BTC: variants seen among roughly 807,000 people sequenced by gnomAD.
BTC encodes the protein probetacellulin.
BTC carries 13 observed loss-of-function variants against 18.1 expected under a neutral mutation model. That is an observed-to-expected ratio of 0.72 (90% CI 0.47 to 1.14). The LOEUF (loss-of-function observed/expected upper bound fraction) is 1.14. Ranked by LOEUF, BTC falls within the 50% of genes most tolerant of loss-of-function variation. The pLI, the probability that BTC is intolerant of heterozygous loss-of-function variation, is 0.00. For missense variants in BTC, 247 were observed against 224.2 expected, an observed-to-expected ratio of 1.10 and a Z score of -0.65; for synonymous variants, 83 against 79.4, an observed-to-expected ratio of 1.05 and a Z score of -0.24.
intron 5 of BTC, 21 bp downstream of exon 5, chr4:74,748,019 C>A (rs782635891): frequency 1.4e-6 from 2 of 1,415,898 alleles, no homozygotes; most frequent in African/African-American, 1.4e-5. Flanking sequence ...AGTTTTCTAT[C>A]AGCAAGTTTA....
intron 1 of BTC, among the ~76,000 whole-genome samples, chr4:74,777,431 A>T (rs1230948262): frequency 6.6e-6 from 1 of 152,226 alleles, no homozygotes; most frequent in African/African-American, 2.4e-5. Flanking sequence ...TCAGCCTCAT[A>T]AGTGGATACT....
chr4:74,780,520 A>C (rs753822165), intron 1 of BTC, among the ~76,000 whole-genome samples: 2 of 152,212 alleles, frequency 1.3e-5, no homozygotes, highest in Non-Finnish European at 2.9e-5. Flanking sequence ...TTTTCCTCAC[A>C]GAAGTCTTCT....
At chr4:74,770,001 C>T in intron 2 of BTC, 57 bp downstream of exon 2, 1 of 1,391,404 alleles carries the variant, frequency 7.2e-7, no homozygotes, top group Non-Finnish European at 1.0e-6. Context: ...ATTATGAGTA[C>T]TATTATTATC....
intron 1 of BTC, among the ~76,000 whole-genome samples, chr4:74,792,468 T>C (rs1466327426): frequency 6.6e-6 from 1 of 152,214 alleles, no homozygotes; most frequent in African/African-American, 2.4e-5. Context: ...TCAGGTCCTC[T>C]GGCCCACAGG....
chr4:74,748,408 C>T (rs1322334296), intron 4 of BTC, among the ~76,000 whole-genome samples: 2 of 151,948 alleles, frequency 1.3e-5, no homozygotes, highest in East Asian at 1.9e-4. Flanking sequence ...TGGTGGTGGG[C>T]GCCTGTAGTC....
At chr4:74,764,421 C>T (rs1724843994) in intron 2 of BTC, among the ~76,000 whole-genome samples, 2 of 152,024 alleles carry the variant, frequency 1.3e-5, no homozygotes, top group East Asian at 1.9e-4. Flanking sequence ...AATTTTGGTG[C>T]TGGAAGCAGA....
rs1193034958 is a variant in BTC at position 74,794,429 on chromosome 4, C to T, written c.-104G>A. ...TGAGAGGGTGCCTGGAAACTAATCCCGGAGGCAGAAGGAAACGAAACTACT... is the reference window on the plus strand; with the variant it reads ...TGAGAGGGTGCCTGGAAACTAATCCTGGAGGCAGAAGGAAACGAAACTACT... On this transcript the variant is annotated 5_prime_UTR_variant, in exon 1 of 6. Transcript: ENST00000395743. 7.9e-7 allele frequency: 1 copy of T among 1,266,328 alleles called. No individual in the cohort carries two copies. Among genetic ancestry groups the T allele is most frequent in the Non-Finnish European group, 1.1e-6 (1 of 950,222 alleles). The allele number at this position is 1,266,328 out of a possible 1,614,324, so 78.4% of individuals were successfully genotyped here.
chr4:74,779,879 T>C (rs1274283117), intron 1 of BTC, among the ~76,000 whole-genome samples: 2 of 152,104 alleles, frequency 1.3e-5, no homozygotes, highest in African/African-American at 2.4e-5. Context: ...ACTAGGAATA[T>C]AAATAAAGAA....
intron 2 of BTC, among the ~76,000 whole-genome samples, chr4:74,766,722 T>C (rs1418488952): frequency 6.6e-6 from 1 of 152,008 alleles, no homozygotes; most frequent in Non-Finnish European, 1.5e-5. Flanking sequence ...TTTCAAAAAA[T>C]TGAAGAGGAA....
intron 5 of BTC, among the ~76,000 whole-genome samples, chr4:74,747,084 C>T (rs556662620): frequency 3.3e-4 from 50 of 152,326 alleles, no homozygotes; most frequent in African/African-American, 1.1e-3. Flanking sequence ...CCCACCTTAC[C>T]TCTGGACTGC....
intron 1 of BTC, among the ~76,000 whole-genome samples, chr4:74,787,430 T>C (rs900570670): frequency 3.3e-5 from 5 of 152,248 alleles, no homozygotes; most frequent in African/African-American, 7.2e-5. Flanking sequence ...AGGTCTTTCA[T>C]TGTTTCTTTA....
chr4:74,791,693 T>C lies in BTC; in HGVS notation c.64+2569A>G, dbSNP rs537386176. Among the ~76,000 whole-genome samples the C allele has an allele frequency of 2.0e-5, 3 of 152,344 alleles. No homozygotes were observed. In the South Asian group the frequency reaches 6.2e-4, roughly 32 times the overall value. On this transcript the variant is annotated intron_variant, in intron 1 of 5. Transcript: ENST00000395743. ...TAGAATGGAAATTATCCTGTAAAGA[T>C]GCATCTACTAAATGCCAGATGTATT... is the stretch of plus-strand genomic sequence containing the variant.
intron 2 of BTC, among the ~76,000 whole-genome samples, chr4:74,760,734 A>AT (rs72231277): frequency 0.023 from 3,149 of 135,846 alleles, 58 homozygotes; most frequent in Middle Eastern, 0.061. Context: ...TTAGCATGTC[A>AT]TTTTTTTTTT....
At chr4:74,748,549 T>C (rs1308358906) in intron 4 of BTC, among the ~76,000 whole-genome samples, 1 of 151,840 alleles carries the variant, frequency 6.6e-6, no homozygotes, top group African/African-American at 2.4e-5. Context: ...AAAAAAAAAT[T>C]AGGGTTCTCT....
At chr4:74,787,229 T>C (rs1725503513) in intron 1 of BTC, among the ~76,000 whole-genome samples, 1 of 152,188 alleles carries the variant, frequency 6.6e-6, no homozygotes, top group African/African-American at 2.4e-5. Flanking sequence ...AGGCTGAATA[T>C]GAATACTGTT....
chr4:74,790,204 G>A (rs1725584974), intron 1 of BTC, among the ~76,000 whole-genome samples: 8 of 152,146 alleles, frequency 5.3e-5, no homozygotes, highest in Admixed American at 4.6e-4. Flanking sequence ...GAATCAAAAT[G>A]TCAAAAAATT....
At chr4:74,783,350 A>G (rs1170666659) in intron 1 of BTC, among the ~76,000 whole-genome samples, 1 of 152,174 alleles carries the variant, frequency 6.6e-6, no homozygotes, top group African/African-American at 2.4e-5. Context: ...CGTTTATTAA[A>G]TAAGGATTCC....
At chr4:74,753,648 T>C (rs1200409274) in intron 3 of BTC, among the ~76,000 whole-genome samples, 2 of 152,154 alleles carry the variant, frequency 1.3e-5, no homozygotes, top group African/African-American at 2.4e-5. Flanking sequence ...GACAGTGTTA[T>C]CACCAATGGC....
intron 1 of BTC, among the ~76,000 whole-genome samples, chr4:74,778,674 A>G (rs751198476): frequency 1.3e-5 from 2 of 152,136 alleles, no homozygotes; most frequent in African/African-American, 2.4e-5. Flanking sequence ...CCAATTTCCC[A>G]CTGGTCAAAA....
Sources: gnomAD v4.1 joint callset for allele counts (sites outside exome capture counted in the v4.1 genomes callset) on GRCh38, gnomAD v4.1.1 for gene constraint, MANE v1.5 for transcripts, NCBI Gene and HGNC (gene_info 2026-07-23, HGNC 2026-07-21) for gene names.